Variants in RSRC1 observed in about 807,000 individuals in gnomAD.
RSRC1 encodes the protein arginine and serine rich coiled-coil 1.
Under a neutral mutation model 49.1 loss-of-function variants are expected in RSRC1, and 39 were observed. That is an observed-to-expected ratio of 0.79 (90% CI 0.61 to 1.04). The LOEUF (loss-of-function observed/expected upper bound fraction) is 1.04. Among genes scored for constraint, RSRC1 ranks in the 50% least tolerant of loss-of-function variants. The pLI is 0.00. For missense variants in RSRC1, 388 were observed against 402.4 expected, an observed-to-expected ratio of 0.96 and a Z score of 0.31; for synonymous variants, 143 against 130.8, an observed-to-expected ratio of 1.09 and a Z score of -0.63.
At chr3:158,460,564 G>A (rs1438497787) in intron 6 of RSRC1, among the ~76,000 whole-genome samples, 8 of 151,812 alleles carry the variant, frequency 5.3e-5, no homozygotes, top group South Asian at 4.1e-4. Context: ...TTTAAAGTGC[G>A]AACTGTACCT....
At chr3:158,354,120 A>G (rs956787179) in intron 5 of RSRC1, among the ~76,000 whole-genome samples, 1 of 149,388 alleles carries the variant, frequency 6.7e-6, no homozygotes, top group East Asian at 2.0e-4. Flanking sequence ...CCTCCCAAGT[A>G]GCTGGGACTA....
intron 6 of RSRC1, among the ~76,000 whole-genome samples, chr3:158,459,134 T>G (rs1737490491): frequency 6.6e-6 from 1 of 152,116 alleles, no homozygotes; most frequent in African/African-American, 2.4e-5. Flanking sequence ...CACACAGACA[T>G]ATATTTGGAG....
intron 4 of RSRC1, among the ~76,000 whole-genome samples, chr3:158,218,188 G>C (rs541096349): frequency 4.0e-5 from 6 of 151,558 alleles, no homozygotes; most frequent in Non-Finnish European, 5.9e-5. Context: ...CCTTTGAAGT[G>C]GTTTAATCTG....
At chr3:158,325,544 T>C (rs1729078449) in intron 5 of RSRC1, among the ~76,000 whole-genome samples, 1 of 152,214 alleles carries the variant, frequency 6.6e-6, no homozygotes, top group Admixed American at 6.5e-5. Flanking sequence ...GTTGTAGATG[T>C]ATGGTATTAT....
At chr3:158,427,990 T>C (rs976970773) in intron 6 of RSRC1, among the ~76,000 whole-genome samples, 1 of 151,868 alleles carries the variant, frequency 6.6e-6, no homozygotes, top group Non-Finnish European at 1.5e-5. Context: ...AGCAACTATT[T>C]TTGGTTCTTG....
In RSRC1 at chr3:158,460,987, G is replaced by A. The variant is rs775572356; in HGVS notation, c.636G>A (p.Lys212=). Residue 212 remains lysine (K), a synonymous_variant, in exon 7 of 10, where the codon AAG becomes AAA. Transcript: ENST00000611884. The part of the protein sequence containing the change: ...KAKERNEEEA[K]RRKEEDQATL... ...AAGAAAGAAATGAGGAAGAAGCAAAGAGAAGAAAGGAGGAAGGTAAAGGCA... is the reference window on the plus strand; with the variant it reads ...AAGAAAGAAATGAGGAAGAAGCAAAAAGAAGAAAGGAGGAAGGTAAAGGCA... 1.3e-6 allele frequency: 2 copies of A among 1,598,976 alleles called. No homozygotes were observed. The highest frequency in any genetic ancestry group is 1.7e-6 in the Non-Finnish European group (2 of 1,170,678).
chr3:158,154,736 A>G (rs1717757140), intron 3 of RSRC1, among the ~76,000 whole-genome samples: 1 of 152,154 alleles, frequency 6.6e-6, no homozygotes, highest in South Asian at 2.1e-4. Flanking sequence ...GTGCTCGATT[A>G]CAGGCGTGAG....
chr3:158,507,188 G>C (rs1331503536), intron 7 of RSRC1, among the ~76,000 whole-genome samples: 2 of 152,054 alleles, frequency 1.3e-5, no homozygotes, highest in Non-Finnish European at 2.9e-5. Context: ...GGAGCTAAAA[G>C]GGTAGATCTC....
intron 1 of RSRC1, among the ~76,000 whole-genome samples, chr3:158,113,507 T>TA (rs1452801908): frequency 6.6e-6 from 1 of 151,944 alleles, no homozygotes; most frequent in Non-Finnish European, 1.5e-5. Flanking sequence ...TAGCTGGGAT[T>TA]ACAGGCACGC....
rs569019341 is a variant in RSRC1, at chr3:158,132,832, A to G, written c.320+8841A>G. Among the ~76,000 whole-genome samples the G allele has an allele frequency of 2.0e-5, 3 of 152,296 alleles. No homozygotes were observed. In the South Asian group the frequency reaches 6.2e-4, roughly 32 times the overall value. ...AGAATTCATTTATTTGTAATCCTTCAATTTGTCCATGAACAGGAATAAATC... is the reference window on the plus strand; with the variant it reads ...AGAATTCATTTATTTGTAATCCTTCGATTTGTCCATGAACAGGAATAAATC... On this transcript the variant is annotated intron_variant, in intron 3 of 9. Coordinates refer to ENST00000611884, the MANE Select transcript of RSRC1 (RefSeq NM_001271838.2).
chr3:158,174,589 C>T (rs1589528), intron 3 of RSRC1, among the ~76,000 whole-genome samples: 90,495 of 151,620 alleles, frequency 0.6, 27,275 homozygotes, highest in East Asian at 0.73. Context: ...GAAGTTTTGG[C>T]GTTTTTGAAC....
chr3:158,388,731 T>C (rs986832942), intron 6 of RSRC1, among the ~76,000 whole-genome samples: 1 of 151,592 alleles, frequency 6.6e-6, no homozygotes, highest in African/African-American at 2.4e-5. Flanking sequence ...TGCCGCAGCC[T>C]CCAGGGTAGC....
At position 158,178,243 on chromosome 3, in the gene RSRC1, A is replaced by G. The variant is rs1035483091; in HGVS notation, c.321-24829A>G. Among the ~76,000 whole-genome samples, 8 of 152,164 alleles carry G rather than the reference A, an allele frequency of 5.3e-5. 1 individual carries two copies. The highest frequency in any genetic ancestry group is 1.3e-4 in the Admixed American group (2 of 15,280). ...AACTTGCACCTCCCAGGTTCAAGCT[A>G]TTGTCCCACCTCCACCTCCCGAGTA... On this transcript the variant is annotated intron_variant, in intron 3 of 9. Coordinates refer to ENST00000611884, the MANE Select transcript of RSRC1 (RefSeq NM_001271838.2).
chr3:158,491,510 C>T (rs1739083218), intron 7 of RSRC1, among the ~76,000 whole-genome samples: 2 of 151,930 alleles, frequency 1.3e-5, no homozygotes, highest in Admixed American at 1.3e-4. Flanking sequence ...CTCTTTGGAT[C>T]CCAAACGAAG....
intron 7 of RSRC1, among the ~76,000 whole-genome samples, chr3:158,471,352 G>A (rs1166390506): frequency 4.6e-5 from 7 of 152,120 alleles, no homozygotes; most frequent in African/African-American, 1.7e-4. Context: ...ATCCGTGGAA[G>A]AATTTAAACA....
chr3:158,255,745 A>G (rs189489396), intron 4 of RSRC1, among the ~76,000 whole-genome samples: 23 of 152,192 alleles, frequency 1.5e-4, no homozygotes, highest in East Asian at 1.4e-3. Context: ...GCAGTGGTTT[A>G]TAGTTCTCCT....
At chr3:158,200,871 C>A (rs1421448106) in intron 3 of RSRC1, among the ~76,000 whole-genome samples, 1 of 152,020 alleles carries the variant, frequency 6.6e-6, no homozygotes, top group Non-Finnish European at 1.5e-5. Context: ...TTACTTTGAG[C>A]ACTTATATGT....
chr3:158,252,305 G>T (rs996430685), intron 4 of RSRC1, among the ~76,000 whole-genome samples: 44 of 151,258 alleles, frequency 2.9e-4, no homozygotes, highest in Non-Finnish European at 4.9e-4. Flanking sequence ...GGGACTACAG[G>T]CACCCGCCAC....
chr3:158,113,437 C>T (rs966356120), intron 1 of RSRC1, among the ~76,000 whole-genome samples: 17 of 149,648 alleles, frequency 1.1e-4, no homozygotes, highest in Admixed American at 6.0e-4. Flanking sequence ...GGTGCGATCT[C>T]GGCTTACTGC....
Sources: gnomAD v4.1 joint callset for allele counts (sites outside exome capture counted in the v4.1 genomes callset) on GRCh38, gnomAD v4.1.1 for gene constraint, MANE v1.5 for transcripts, NCBI Gene and HGNC (gene_info 2026-07-23, HGNC 2026-07-21) for gene names.